FAM90A26: variants seen among roughly 807,000 people sequenced by gnomAD.
FAM90A26 encodes family with sequence similarity 90 member A26.
exon 7 of FAM90A26, chr4:9,175,223 C>T (rs1354138665): frequency 3.7e-6 from 1 of 268,668 alleles, no homozygotes; most frequent in Admixed American, 7.3e-5. Flanking sequence ...CGGGCCAATG[C>T]CGGTCCACAC....
exon 7 of FAM90A26, chr4:9,175,669 G>A: frequency 3.7e-6 from 1 of 268,726 alleles, no homozygotes; most frequent in South Asian, 4.2e-5. Flanking sequence ...CTCCGATTCA[G>A]GCTTGCCTGA....
At position 9,170,811 on chromosome 4, in the gene FAM90A26, C is replaced by T. The variant is rs557274895; in HGVS notation, c.-421+289C>T. On this transcript the variant is annotated intron_variant, in intron 1 of 6. Transcript: ENST00000512047. ...CCGCTTTTCTCCCTCCTCACTGAGT[C>T]ACCTTGAAAGGGCTCAGCAGCAGTA... Among the ~76,000 whole-genome samples the T allele has an allele frequency of 4.8e-3, 115 of 23,754 alleles. 5 individuals carry two copies. The highest frequency in any genetic ancestry group is 0.027 in the East Asian group (28 of 1,024). The allele number at this position is 23,754 out of a possible 152,430, so 15.6% of individuals were successfully genotyped here.
Position 9,171,204 on chromosome 4 carries a change from A to AC in FAM90A26, c.-420-328_-420-327insC, listed in dbSNP as rs1393615404. ...CAAAAAAAAAAAAAAAAAAAAAAAA[A>AC]ATAGACACCAATGACGAAACAAGAA... On this transcript the variant is annotated intron_variant, in intron 1 of 6. Coordinates refer to ENST00000512047, the Ensembl canonical transcript of FAM90A26. Among the ~76,000 whole-genome samples the AC allele has an allele frequency of 2.0e-3, 42 of 21,110 alleles. 11 individuals carry two copies. In the East Asian group the frequency reaches 0.025, roughly 13 times the overall value. The allele number at this position is 21,110 out of a possible 152,430, so 13.8% of individuals were successfully genotyped here. A position where few individuals can be genotyped will look rare whatever the true frequency, so the allele number is the denominator to read the frequency against.
Position 9,170,766 on chromosome 4 carries a change from C to A in FAM90A26, c.-421+244C>A, listed in dbSNP as rs1436098963. Among the ~76,000 whole-genome samples, 2 of 23,690 alleles carry A rather than the reference C, an allele frequency of 8.4e-5. 1 individual carries two copies. Among genetic ancestry groups the A allele is most frequent in the Non-Finnish European group, 1.7e-4 (2 of 11,720 alleles). The allele number at this position is 23,690 out of a possible 152,430, so 15.5% of individuals were successfully genotyped here. ...CAGGACCAGCAGCTGGCCCAGACCC[C>A]GCCTCTTCCCACACCGCTTCCGCTT... On this transcript the variant is annotated intron_variant, in intron 1 of 6. Transcript: ENST00000512047.
chr4:9,175,016 G>A lies in FAM90A26; in HGVS notation c.433-189G>A, dbSNP rs190368160. Among the ~76,000 whole-genome samples the A allele has an allele frequency of 0.011, 272 of 23,956 alleles. 70 individuals are homozygous for A. In the East Asian group the frequency reaches 0.13, roughly 11 times the overall value. 15.7% of individuals were successfully genotyped at this position (23,956 alleles called of 152,430 possible). A position where few individuals can be genotyped will look rare whatever the true frequency, so the allele number is the denominator to read the frequency against. ...TTTGAACAATGATGTGCTTAGATCA[G>A]CTATACATAGCTCGAGAGCGCATCT... On this transcript the variant is annotated intron_variant, in intron 6 of 6. Coordinates refer to ENST00000512047, the Ensembl canonical transcript of FAM90A26.
chr4:9,173,893 A>G lies in FAM90A26; in HGVS notation c.227A>G (p.Lys76Arg). 2 of 245,770 alleles carry G rather than the reference A, an allele frequency of 8.1e-6. 1 individual carries two copies. The highest frequency in any genetic ancestry group is 1.2e-5 in the Non-Finnish European group (2 of 164,836). The allele number at this position is 245,770 out of a possible 1,614,324, so 15.2% of individuals were successfully genotyped here. ...CTGGTTCCACCGACCTTGGGGAAAAAGGAAGGGAAGGAAAACCTGAAACCA... is the reference window on the plus strand; with the variant it reads ...CTGGTTCCACCGACCTTGGGGAAAAGGGAAGGGAAGGAAAACCTGAAACCA... Residue 76 changes from lysine (K) to arginine (R), a missense_variant, in exon 5 of 7, where the codon AAG (lysine) becomes AGG (arginine). By Grantham distance (26) the Lys-to-Arg change is conservative (BLOSUM62 2). Transcript: ENST00000512047.
In FAM90A26 at chr4:9,173,712, A is replaced by G; in HGVS notation, c.124-78A>G. 3.2e-5 allele frequency: 4 copies of G among 126,052 alleles called. 2 individuals are homozygous for G. Among genetic ancestry groups the G allele is most frequent in the East Asian group, 2.8e-4 (2 of 7,252 alleles). 7.8% of individuals were successfully genotyped at this position (126,052 alleles called of 1,614,324 possible). A position where few individuals can be genotyped will look rare whatever the true frequency, so the allele number is the denominator to read the frequency against. ...ATCCTTATTCAGCTCTGAATTCACAATCCGTCTCAATGTTGACGTGGGATC... is the reference window on the plus strand; with the variant it reads ...ATCCTTATTCAGCTCTGAATTCACAGTCCGTCTCAATGTTGACGTGGGATC... On this transcript the variant is annotated intron_variant, in intron 4 of 6. Coordinates refer to ENST00000512047, the Ensembl canonical transcript of FAM90A26.
At chr4:9,175,699 G>C in exon 7 of FAM90A26, 1 of 272,924 alleles carries the variant, frequency 3.7e-6, no homozygotes. Flanking sequence ...AGAAACCGAG[G>C]CTGGGTCCCT....
exon 7 of FAM90A26, chr4:9,176,542 A>G (rs1388960584): frequency 2.3e-5 from 1 of 44,386 alleles, no homozygotes; most frequent in Non-Finnish European, 4.3e-5. Flanking sequence ...GGGAAAAGTT[A>G]GGGAACCCTG....
chr4:9,176,062 C>G lies in FAM90A26; in HGVS notation c.1290C>G (p.Val430=), dbSNP rs181442707. ...CCTTCCTCGCTCAGAGCCCTCATGT[C>G]TCAGAGAAGTCTGAGGTTCCCCGTG... Residue 430 remains valine (V), a synonymous_variant, in exon 7 of 7, where the codon GTC becomes GTG. Coordinates refer to ENST00000512047, the Ensembl canonical transcript of FAM90A26. The G allele has an allele frequency of 9.9e-3, 2,640 of 265,362 alleles. 1,245 individuals are homozygous for G. In the East Asian group the frequency reaches 0.14, roughly 14 times the overall value. 16.4% of individuals were successfully genotyped at this position (265,362 alleles called of 1,614,324 possible). A position where few individuals can be genotyped will look rare whatever the true frequency, so the allele number is the denominator to read the frequency against.
At chr4:9,174,625 C>T (rs1713483963) in intron 6 of FAM90A26, 69 bp downstream of exon 6, 1 of 140,270 alleles carries the variant, frequency 7.1e-6, no homozygotes, top group East Asian at 1.3e-4. Flanking sequence ...CTTTCAGCTT[C>T]CCGTCTGCGG....
At position 9,175,803 on chromosome 4, in the gene FAM90A26, C is replaced by G. The variant is rs1290548115; in HGVS notation, c.1031C>G (p.Thr344Arg). The G allele has an allele frequency of 1.0e-4, 20 of 191,840 alleles. 8 individuals are homozygous for G. Among genetic ancestry groups the G allele is most frequent in the Non-Finnish European group, 1.5e-4 (18 of 119,750 alleles). 11.9% of individuals were successfully genotyped at this position (191,840 alleles called of 1,614,324 possible). ...GCAACAACCGAACTTGGACCAAGTA[C>G]GTCGCCCCAGATGGGCAGGAGGACA... Residue 344 changes from threonine to arginine, a missense_variant, in exon 7 of 7, where the codon ACG becomes AGG. Transcript: ENST00000512047.
chr4:9,172,968 C>T lies in FAM90A26; in HGVS notation c.-56-149C>T. Reference sequence around the variant, plus strand: ...GGAACACACAATATCTGAGGATGCACACAGCACATTGTGTTCCACAGATTT... The same window carrying T: ...GGAACACACAATATCTGAGGATGCATACAGCACATTGTGTTCCACAGATTT... On this transcript the variant is annotated intron_variant, in intron 3 of 6. Transcript: ENST00000512047. 2 of 82,428 alleles carry T rather than the reference C, an allele frequency of 2.4e-5. 1 individual carries two copies. The highest frequency in any genetic ancestry group is 4.6e-5 in the Non-Finnish European group (2 of 43,086). 5.1% of individuals were successfully genotyped at this position (82,428 alleles called of 1,614,324 possible).
chr4:9,173,035 G>T, intron 3 of FAM90A26, 82 bp from the exon 4 acceptor site: 2 of 106,108 alleles, frequency 1.9e-5, no homozygotes, highest in Admixed American at 2.0e-4. Context: ...ACACCGGCAA[G>T]GAGTTAGCGG....
chr4:9,170,413 C>G (rs537492368), exon 1 of FAM90A26: 5 of 154,320 alleles, frequency 3.2e-5, no homozygotes, highest in Non-Finnish European at 5.7e-5. Flanking sequence ...CCATCTGGGC[C>G]CTTCCAGAAG....
rs1577259319 is a variant in FAM90A26, at chr4:9,173,010, G to A, written c.-56-107G>A. Reference sequence around the variant, plus strand: ...CACAGATTTGACCGACTGGTGGTGAGGTCTCCTCATGACCACACCGGCAAG... The same window carrying A: ...CACAGATTTGACCGACTGGTGGTGAAGTCTCCTCATGACCACACCGGCAAG... On this transcript the variant is annotated intron_variant, in intron 3 of 6. Transcript: ENST00000512047. 3.2e-4 allele frequency: 31 copies of A among 96,030 alleles called. 1 individual carries two copies. The East Asian group carries it at 5.4e-3, about 17-fold the overall frequency. The allele number at this position is 96,030 out of a possible 1,614,324, so 5.9% of individuals were successfully genotyped here.
At position 9,174,397 on chromosome 4, in the gene FAM90A26, A is replaced by G. The variant is rs186964487; in HGVS notation, c.324-51A>G. ...CTGAGCCCCAGACAGGGTTCTCCCT[A>G]TCTCCTGGGGAAAACCAGGGGCCAC... On this transcript the variant is annotated intron_variant, in intron 5 of 6. Coordinates refer to ENST00000512047, the Ensembl canonical transcript of FAM90A26. The G allele has an allele frequency of 6.4e-4, 89 of 138,284 alleles. 18 individuals are homozygous for G. In the African/African-American group the frequency reaches 0.016, roughly 24 times the overall value. 8.6% of individuals were successfully genotyped at this position (138,284 alleles called of 1,614,324 possible). A position where few individuals can be genotyped will look rare whatever the true frequency, so the allele number is the denominator to read the frequency against.
rs2108792743 is a variant in FAM90A26 at position 9,171,420 on chromosome 4, G to GC, written c.-420-112_-420-111insC. On this transcript the variant is annotated intron_variant, in intron 1 of 6. Transcript: ENST00000512047. ...AAGATCGTGGGAAGCACAGGGTAAA[G>GC]GCGGGGTGCCCCTCCCTGGACTCCA... 8.0e-5 allele frequency: 2 copies of GC among 25,120 alleles called. 1 individual carries two copies. Among genetic ancestry groups the GC allele is most frequent in the South Asian group, 1.8e-3 (2 of 1,128 alleles). The allele number at this position is 25,120 out of a possible 1,614,324, so 1.6% of individuals were successfully genotyped here. A position where few individuals can be genotyped will look rare whatever the true frequency, so the allele number is the denominator to read the frequency against.
rs1323793700 is a variant in FAM90A26, at chr4:9,172,823, C to A, written c.-56-294C>A. 2.6e-4 allele frequency among the ~76,000 whole-genome samples: 6 copies of A among 23,494 alleles called. 3 individuals carry two copies. Among genetic ancestry groups the A allele is most frequent in the South Asian group, 1.7e-3 (2 of 1,182 alleles). The allele number at this position is 23,494 out of a possible 152,430, so 15.4% of individuals were successfully genotyped here. A position where few individuals can be genotyped will look rare whatever the true frequency, so the allele number is the denominator to read the frequency against. ...TTCTACCAGAGTGAATCGTGATAGA[C>A]CTAAGTCCAGTTCTCCAGAATCAGT... On this transcript the variant is annotated intron_variant, in intron 3 of 6. Coordinates refer to ENST00000512047, the Ensembl canonical transcript of FAM90A26.
Sources: allele counts gnomAD v4.1 joint callset (sites outside exome capture counted in the v4.1 genomes callset), GRCh38; gene constraint gnomAD v4.1.1; transcripts MANE v1.5; gene names NCBI Gene and HGNC (gene_info 2026-07-23, HGNC 2026-07-21).